CACNA1C: variants seen among roughly 807,000 people sequenced by gnomAD.
CACNA1C encodes voltage-dependent L-type calcium channel subunit alpha-1C.
CACNA1C carries 30 observed loss-of-function variants against 229.0 expected under a neutral mutation model. The observed-to-expected ratio is 0.13, with a 90% CI of 0.10 to 0.18. The LOEUF is 0.18. Among genes scored for constraint, CACNA1C ranks in the 10% least tolerant of loss-of-function variants. The probability of loss-of-function intolerance (pLI) is 1.00; values close to 1 mark genes in which losing one functional copy is unlikely to be tolerated. For synonymous variants in CACNA1C, 1,114 were observed against 1,132.5 expected (o/e 0.98, Z 0.33); for missense variants, 1,658 against 2,845.0 (o/e 0.58, Z 9.49).
intron 3 of CACNA1C, among the ~76,000 whole-genome samples, chr12:2,163,708 GGATTTTGGATC>G (rs1214736332): frequency 6.6e-6 from 1 of 152,168 alleles, no homozygotes; most frequent in Non-Finnish European, 1.5e-5. Flanking sequence ...CCCGCTCCCT[GGATTTTGGATC>G]GATTTTGCAG....
intron 3 of CACNA1C, among the ~76,000 whole-genome samples, chr12:2,211,172 A>AT (rs1237602172): frequency 2.6e-5 from 4 of 152,228 alleles, no homozygotes; most frequent in African/African-American, 9.6e-5. Flanking sequence ...AGAGCAGTAA[A>AT]TCAGGCAGAG....
intron 11 of CACNA1C, among the ~76,000 whole-genome samples, chr12:2,557,548 G>A (rs1403885252): frequency 6.6e-6 from 1 of 152,198 alleles, no homozygotes; most frequent in Non-Finnish European, 1.5e-5. Flanking sequence ...CTGTCCTGGT[G>A]CACACTGAGG....
intron 3 of CACNA1C, among the ~76,000 whole-genome samples, chr12:2,349,041 GAA>G (rs929494099): frequency 3.3e-4 from 50 of 152,196 alleles, no homozygotes; most frequent in African/African-American, 1.2e-3. Flanking sequence ...GGTGGTGCCA[GAA>G]AAGACTGTGG....
chr12:2,429,620 G>T (rs538179406), intron 3 of CACNA1C, among the ~76,000 whole-genome samples: 1 of 152,202 alleles, frequency 6.6e-6, no homozygotes, highest in Non-Finnish European at 1.5e-5. Context: ...GCTCTTCGTA[G>T]CCTGCAGGCA....
At chr12:2,323,000 C>T (rs1422400545) in intron 3 of CACNA1C, among the ~76,000 whole-genome samples, 1 of 152,178 alleles carries the variant, frequency 6.6e-6, no homozygotes, top group African/African-American at 2.4e-5. Flanking sequence ...TGGTCCAGCC[C>T]TGGTCTCTGA....
intron 3 of CACNA1C, among the ~76,000 whole-genome samples, chr12:2,213,612 T>C (rs2059223027): frequency 6.6e-6 from 1 of 152,240 alleles, no homozygotes; most frequent in South Asian, 2.1e-4. Context: ...AGTGAAACTC[T>C]CAGTGTGTCT....
intron 29 of CACNA1C, chr12:2,614,999 A>G (rs530688592): frequency 6.6e-6 from 1 of 152,340 alleles, no homozygotes. Context: ...CACACAAAGA[A>G]ACTAGGAATC....
chr12:2,188,210 A>G (rs2154293089), intron 3 of CACNA1C, among the ~76,000 whole-genome samples: 1 of 152,356 alleles, frequency 6.6e-6, no homozygotes, highest in South Asian at 2.1e-4. Context: ...CCGCATATCA[A>G]ACATCTGAAA....
chr12:2,641,543 C>T (rs2093695062), intron 30 of CACNA1C: 2 of 600,508 alleles, frequency 3.3e-6, no homozygotes, highest in South Asian at 1.9e-5. Flanking sequence ...TCCTGTTGCC[C>T]TCGGAGTCCC....
chr12:2,336,065 C>T (rs2096685584), intron 3 of CACNA1C, among the ~76,000 whole-genome samples: 1 of 149,882 alleles, frequency 6.7e-6, no homozygotes, highest in Non-Finnish European at 1.5e-5. Flanking sequence ...CCTCTTTGTT[C>T]CTCAGTGAAA....
At chr12:2,341,532 G>T (rs1316010125) in intron 3 of CACNA1C, among the ~76,000 whole-genome samples, 3 of 152,204 alleles carry the variant, frequency 2.0e-5, no homozygotes, top group Non-Finnish European at 4.4e-5. Context: ...GGTAGCCACA[G>T]GCCCCTGTGC....
chr12:2,172,577 A>T (rs1442585899), intron 3 of CACNA1C, among the ~76,000 whole-genome samples: 2 of 152,242 alleles, frequency 1.3e-5, no homozygotes, highest in Non-Finnish European at 2.9e-5. Flanking sequence ...GGAAGAAAGG[A>T]GGACCCACGG....
At chr12:2,160,947 G>GAAT (rs2154246464) in intron 3 of CACNA1C, among the ~76,000 whole-genome samples, 1 of 152,270 alleles carries the variant, frequency 6.6e-6, no homozygotes, top group East Asian at 1.9e-4. Flanking sequence ...TCAGCCTCCT[G>GAAT]AGTAGCTGGG....
intron 3 of CACNA1C, among the ~76,000 whole-genome samples, chr12:2,179,542 T>A (rs1490034139): frequency 6.6e-6 from 1 of 152,214 alleles, no homozygotes; most frequent in Non-Finnish European, 1.5e-5. Flanking sequence ...CTCTGAATAC[T>A]GAACATTGAC....
In CACNA1C at chr12:2,125,847, C is replaced by T. The variant is rs564292897; in HGVS notation, c.477+5417C>T. On this transcript the variant is annotated intron_variant, in intron 3 of 46. Coordinates refer to ENST00000399655, the MANE Select transcript of CACNA1C (RefSeq NM_000719.7). ...TCCCTTTAGGATCCAAGCAGAAAGACGACACACGTCAACTGCTGAGAGCTT... is the reference window on the plus strand; with the variant it reads ...TCCCTTTAGGATCCAAGCAGAAAGATGACACACGTCAACTGCTGAGAGCTT... Among the ~76,000 whole-genome samples, 10 of 152,280 alleles carry T rather than the reference C, an allele frequency of 6.6e-5. No individual in the cohort carries two copies. In the South Asian group the frequency reaches 1.7e-3, roughly 25 times the overall value.
intron 1 of CACNA1C, among the ~76,000 whole-genome samples, chr12:2,099,503 C>T (rs539387139): frequency 2.0e-5 from 3 of 152,026 alleles, no homozygotes; most frequent in Non-Finnish European, 4.4e-5. Context: ...GGGAGGCAGG[C>T]GGCCTGTCTG....
rs2099741456 is a variant in CACNA1C at position 2,493,947 on chromosome 12, G to A, written c.1113+561G>A. 1.3e-5 allele frequency among the ~76,000 whole-genome samples: 2 copies of A among 152,022 alleles called. No individual in the cohort carries two copies. Among genetic ancestry groups the A allele is most frequent in the South Asian group, 4.1e-4 (2 of 4,824 alleles). On this transcript the variant is annotated intron_variant, in intron 7 of 46. Transcript: ENST00000399655. This position sits in a 1 kb window ranked among gnomAD's most constrained non-coding sequence, Gnocchi z 4.6. ...AATAGTCCATCAGACAAATGCATTG[G>A]CAGCATTTTTACTATTCCCCAAACA...
At chr12:2,531,742 C>A (rs1222689142) in intron 9 of CACNA1C, among the ~76,000 whole-genome samples, 2 of 152,176 alleles carry the variant, frequency 1.3e-5, no homozygotes, top group East Asian at 1.9e-4. Context: ...TGCCCTTTTC[C>A]CAGAGCCACT....
intron 3 of CACNA1C, among the ~76,000 whole-genome samples, chr12:2,136,394 T>C (rs894631169): frequency 3.3e-5 from 5 of 151,416 alleles, no homozygotes; most frequent in African/African-American, 7.2e-5. Context: ...CTTGCCCAAG[T>C]TTGCATAGCT....
Sources: allele counts gnomAD v4.1 joint callset (sites outside exome capture counted in the v4.1 genomes callset), GRCh38; gene constraint gnomAD v4.1.1; non-coding constraint Gnocchi (gnomAD v3.1); transcripts MANE v1.5; gene names NCBI Gene and HGNC (gene_info 2026-07-23, HGNC 2026-07-21).